Variants in THSD4 observed in about 807,000 individuals in gnomAD.
The protein encoded by THSD4 is thrombospondin type-1 domain-containing protein 4.
Under a neutral mutation model 119.0 loss-of-function variants are expected in THSD4, and 69 were observed. The observed-to-expected ratio is 0.58, with a 90% confidence interval of 0.48 to 0.71. THSD4 has a LOEUF of 0.71. Among genes scored for constraint, THSD4 ranks in the 30% least tolerant of loss-of-function variants. The pLI is 0.00. For synonymous variants in THSD4, 524 were observed against 540.4 expected (o/e 0.97, Z 0.42); for missense variants, 1,393 against 1,391.1 (o/e 1.00, Z -0.02).
chr15:71,363,494 A>G (rs1240377139), intron 6 of THSD4, among the ~76,000 whole-genome samples: 1 of 152,224 alleles, frequency 6.6e-6, no homozygotes, highest in Admixed American at 6.5e-5. Context: ...AGGAATGAGC[A>G]TACTGTGTTT....
At chr15:71,268,967 A>G (rs2044497928) in intron 6 of THSD4, among the ~76,000 whole-genome samples, 1 of 152,194 alleles carries the variant, frequency 6.6e-6, no homozygotes, top group Admixed American at 6.5e-5. Flanking sequence ...TGAGGCAGTA[A>G]TTAATAGCCT....
At chr15:71,512,224 G>C (rs1483158064) in intron 7 of THSD4, among the ~76,000 whole-genome samples, 2 of 152,154 alleles carry the variant, frequency 1.3e-5, no homozygotes, top group African/African-American at 4.8e-5. Context: ...AATGTTTTGA[G>C]GGTTAATGCA....
chr15:71,150,933 G>T lies in THSD4; in HGVS notation c.30-3930G>T, dbSNP rs74021943. On this transcript the variant is annotated intron_variant, in intron 2 of 17. Coordinates refer to ENST00000261862, the MANE Select transcript of THSD4 (RefSeq NM_024817.3). ...AAGCTCCTACTATATAGCAGCCACT[G>T]TGCTAGGTGCTGGGGAATAAAGTAG... Among the ~76,000 whole-genome samples the T allele has an allele frequency of 6.0e-3, 915 of 152,306 alleles. 11 individuals are homozygous for T. Among genetic ancestry groups the T allele is most frequent in the African/African-American group, 0.021 (875 of 41,550 alleles).
At chr15:71,472,295 G>T (rs1054799129) in intron 7 of THSD4, among the ~76,000 whole-genome samples, 11 of 152,282 alleles carry the variant, frequency 7.2e-5, no homozygotes, top group African/African-American at 2.2e-4. Flanking sequence ...AAGATTTCAT[G>T]CTTATAAACT....
At chr15:71,315,279 T>C (rs1227412143) in intron 6 of THSD4, among the ~76,000 whole-genome samples, 1 of 152,282 alleles carries the variant, frequency 6.6e-6, no homozygotes, top group Non-Finnish European at 1.5e-5. Flanking sequence ...ATCCCTGCCT[T>C]GGCTTTCAGC....
intron 7 of THSD4, among the ~76,000 whole-genome samples, chr15:71,586,604 T>A (rs2049675505): frequency 6.6e-6 from 1 of 152,146 alleles, no homozygotes; most frequent in Non-Finnish European, 1.5e-5. Context: ...TTCTCATACT[T>A]CAAACCTGTG....
intron 8 of THSD4, among the ~76,000 whole-genome samples, chr15:71,700,854 C>T (rs1022727460): frequency 6.6e-6 from 1 of 151,948 alleles, no homozygotes; most frequent in Non-Finnish European, 1.5e-5. Flanking sequence ...AATGTTAGAT[C>T]TCTGTGTCAC....
At chr15:71,195,847 A>G (rs1341657398) in intron 3 of THSD4, among the ~76,000 whole-genome samples, 1 of 152,170 alleles carries the variant, frequency 6.6e-6, no homozygotes, top group Non-Finnish European at 1.5e-5. Flanking sequence ...ACACTGTACA[A>G]TGTGATATCT....
chr15:71,276,860 A>G (rs1000213303), intron 6 of THSD4, among the ~76,000 whole-genome samples: 5 of 152,192 alleles, frequency 3.3e-5, no homozygotes, highest in Non-Finnish European at 7.4e-5. Flanking sequence ...TTTTCAAGAG[A>G]TGACCTTAGG....
In THSD4 at chr15:71,483,958, T is replaced by A. The variant is rs576817808; in HGVS notation, c.1152+72135T>A. On this transcript the variant is annotated intron_variant, in intron 7 of 17. Coordinates refer to ENST00000261862, the MANE Select transcript of THSD4 (RefSeq NM_024817.3). ...CTTTTTATGTAGCCTTGATTCTTCCTCTAGGGAAGGGAGACACCATTCATT... is the reference window on the plus strand; with the variant it reads ...CTTTTTATGTAGCCTTGATTCTTCCACTAGGGAAGGGAGACACCATTCATT... Among the ~76,000 whole-genome samples the A allele has an allele frequency of 8.5e-5, 13 of 152,266 alleles. No homozygotes were observed. In the South Asian group the frequency reaches 2.5e-3, roughly 29 times the overall value.
intron 7 of THSD4, among the ~76,000 whole-genome samples, chr15:71,616,653 C>G (rs2050323035): frequency 6.6e-6 from 1 of 152,198 alleles, no homozygotes; most frequent in Non-Finnish European, 1.5e-5. Context: ...ATTCAATCCA[C>G]TGTGAGGAAG....
intron 8 of THSD4, among the ~76,000 whole-genome samples, chr15:71,718,173 A>G (rs2052645831): frequency 2.6e-5 from 4 of 152,118 alleles, no homozygotes; most frequent in Admixed American, 2.6e-4. Flanking sequence ...AAAGATTGCA[A>G]AAACTGGAAT....
chr15:71,642,805 T>TG (rs1210263886), intron 7 of THSD4, among the ~76,000 whole-genome samples: 10 of 118,350 alleles, frequency 8.4e-5, no homozygotes, highest in African/African-American at 3.0e-4. Context: ...TGTTGTGGGG[T>TG]GGGGGGAGTG....
At chr15:71,207,296 G>C (rs1326136260) in intron 3 of THSD4, among the ~76,000 whole-genome samples, 1 of 152,156 alleles carries the variant, frequency 6.6e-6, no homozygotes, top group South Asian at 2.1e-4. Context: ...GTTTCATGGA[G>C]ACCATGGTTC....
At chr15:71,376,811 ACAT>A (rs1302259480) in intron 6 of THSD4, among the ~76,000 whole-genome samples, 1 of 152,220 alleles carries the variant, frequency 6.6e-6, no homozygotes, top group Non-Finnish European at 1.5e-5. Flanking sequence ...TCATGCCGAG[ACAT>A]ATTGGATTGA....
chr15:71,353,534 C>T (rs1374626669), intron 6 of THSD4, among the ~76,000 whole-genome samples: 1 of 152,190 alleles, frequency 6.6e-6, no homozygotes, highest in Non-Finnish European at 1.5e-5. Context: ...TCTGAGGTCC[C>T]TGACCCAGAA....
At chr15:71,614,426 T>G (rs1217962801) in intron 7 of THSD4, among the ~76,000 whole-genome samples, 1 of 152,212 alleles carries the variant, frequency 6.6e-6, no homozygotes, top group Non-Finnish European at 1.5e-5. Context: ...TTCTCACACC[T>G]ACTCCTAAAG....
intron 7 of THSD4, among the ~76,000 whole-genome samples, chr15:71,422,373 G>A (rs568550864): frequency 6.6e-6 from 1 of 152,266 alleles, no homozygotes; most frequent in South Asian, 2.1e-4. Context: ...TAAGTCTTTG[G>A]TCACTGCAGA....
chr15:71,468,007 C>T (rs1014566258), intron 7 of THSD4, among the ~76,000 whole-genome samples: 1 of 152,062 alleles, frequency 6.6e-6, no homozygotes, highest in African/African-American at 2.4e-5. Context: ...TGTCACCAAG[C>T]CTGGCTAATT....
Sources: gnomAD v4.1 joint callset for allele counts (sites outside exome capture counted in the v4.1 genomes callset) on GRCh38, gnomAD v4.1.1 for gene constraint, MANE v1.5 for transcripts, NCBI Gene and HGNC (gene_info 2026-07-23, HGNC 2026-07-21) for gene names.